The following LDLRAD3 variants were observed in gnomAD, a reference collection of about 807,000 sequenced individuals.
LDLRAD3 encodes low-density lipoprotein receptor class A domain-containing protein 3.
In LDLRAD3, 20 loss-of-function variants were observed where a neutral mutation model predicts 29.4. That is an observed-to-expected ratio of 0.68 (90% CI 0.48 to 0.99). The LOEUF is 0.99. LDLRAD3 is among the 50% of genes least tolerant of loss of function. The pLI is 0.00. For missense variants in LDLRAD3, 420 were observed against 454.3 expected, an observed-to-expected ratio of 0.92 and a Z score of 0.69; for synonymous variants, 157 against 192.7, an observed-to-expected ratio of 0.81 and a Z score of 1.53.
In LDLRAD3 at chr11:36,231,740, T is replaced by G. The variant is rs199926277; in HGVS notation, c.*2343T>G. ...TAAATAGGACACCAAAGCGGCAGGGTTTTTTTGGGGGGGAGGGGGTTTGTT... is the reference window on the plus strand; with the variant it reads ...TAAATAGGACACCAAAGCGGCAGGGGTTTTTTGGGGGGGAGGGGGTTTGTT... On this transcript the variant is annotated 3_prime_UTR_variant, in exon 6 of 6. Coordinates refer to ENST00000315571, the MANE Select transcript of LDLRAD3 (RefSeq NM_174902.4). 9 of 151,524 alleles carry G rather than the reference T, an allele frequency of 5.9e-5. No homozygotes were observed. The highest frequency in any genetic ancestry group is 8.8e-5 in the Non-Finnish European group (6 of 67,900). The allele number at this position is 151,524 out of a possible 1,614,324, so 9.4% of individuals were successfully genotyped here.
chr11:36,191,568 C>CTA (rs1590343829), intron 4 of LDLRAD3, among the ~76,000 whole-genome samples: 4 of 78,888 alleles, frequency 5.1e-5, no homozygotes, highest in East Asian at 7.3e-4. Context: ...CTCTCTCTCT[C>CTA]TCTCTCTCTA....
At chr11:36,111,952 A>G (rs1853612296) in intron 4 of LDLRAD3, among the ~76,000 whole-genome samples, 1 of 152,046 alleles carries the variant, frequency 6.6e-6, no homozygotes, top group Non-Finnish European at 1.5e-5. Context: ...ACACTTACCC[A>G]TCTTCTCCCA....
chr11:35,979,776 G>T (rs1851518388), intron 1 of LDLRAD3, among the ~76,000 whole-genome samples: 1 of 152,182 alleles, frequency 6.6e-6, no homozygotes, highest in South Asian at 2.1e-4. Context: ...GAGAGATGTG[G>T]TGGTTGATGT....
Position 36,145,440 on chromosome 11 carries a change from G to A in LDLRAD3, c.454+46979G>A, listed in dbSNP as rs1439206050. On this transcript the variant is annotated intron_variant, in intron 4 of 5. Transcript: ENST00000315571. ...CATCCGGGAGGTGAGGGGCGCCTCT[G>A]CCCGGCCGCCCCTACTGGGAAGTGA... 7.8e-5 allele frequency among the ~76,000 whole-genome samples: 9 copies of A among 115,014 alleles called. No homozygotes were observed. The East Asian group carries it at 9.8e-4, about 12-fold the overall frequency. The allele number at this position is 115,014 out of a possible 152,430, so 75.5% of individuals were successfully genotyped here.
intron 1 of LDLRAD3, among the ~76,000 whole-genome samples, chr11:35,946,332 G>A (rs1210674399): frequency 6.6e-6 from 1 of 151,728 alleles, no homozygotes; most frequent in Admixed American, 6.6e-5. Context: ...GTCTGTGAAA[G>A]AATCCCAGGG....
intron 1 of LDLRAD3, among the ~76,000 whole-genome samples, chr11:36,025,580 G>T (rs180715372): frequency 6.6e-6 from 1 of 151,724 alleles, no homozygotes; most frequent in African/African-American, 2.4e-5. Context: ...TAGTAGAGAC[G>T]GGGTTTCACC....
chr11:36,204,104 C>T (rs1011906199), intron 4 of LDLRAD3, among the ~76,000 whole-genome samples: 3 of 152,006 alleles, frequency 2.0e-5, no homozygotes, highest in African/African-American at 7.2e-5. Context: ...CAATTTCCTT[C>T]TTCTGTAGTT....
At chr11:36,147,502 C>T (rs75180974) in intron 4 of LDLRAD3, among the ~76,000 whole-genome samples, 15,939 of 152,228 alleles carry the variant, frequency 0.1, 905 homozygotes, top group Non-Finnish European at 0.12. Context: ...AGTTCCTTAA[C>T]TCAATTACAT....
intron 1 of LDLRAD3, among the ~76,000 whole-genome samples, chr11:36,005,577 CA>C (rs1851874061): frequency 6.6e-6 from 1 of 152,212 alleles, no homozygotes; most frequent in African/African-American, 2.4e-5. Context: ...CTGAGCTCTC[CA>C]AACTATTCCA....
At chr11:36,040,038 C>T (rs1268251642) in intron 2 of LDLRAD3, among the ~76,000 whole-genome samples, 5 of 152,110 alleles carry the variant, frequency 3.3e-5, no homozygotes, top group Non-Finnish European at 2.9e-5. Flanking sequence ...AGCTACAAAG[C>T]CCTTTCTCTG....
At chr11:36,078,046 G>C (rs756995790) in intron 2 of LDLRAD3, among the ~76,000 whole-genome samples, 8 of 152,172 alleles carry the variant, frequency 5.3e-5, no homozygotes, top group Non-Finnish European at 1.0e-4. Flanking sequence ...GTATCTTGAT[G>C]AGTGTTCAGC....
intron 4 of LDLRAD3, among the ~76,000 whole-genome samples, chr11:36,153,172 C>G (rs11033467): frequency 0.98 from 149,116 of 151,960 alleles, 73,217 homozygotes; most frequent in East Asian, 1. Flanking sequence ...CCAGCATAGT[C>G]GGGGTGCTTG....
At chr11:36,206,130 A>G (rs905166911) in intron 4 of LDLRAD3, among the ~76,000 whole-genome samples, 1 of 152,242 alleles carries the variant, frequency 6.6e-6, no homozygotes, top group Non-Finnish European at 1.5e-5. Context: ...CGAGAAAATT[A>G]CATCCTTGTT....
chr11:36,100,743 A>G (rs1416720061), intron 4 of LDLRAD3, among the ~76,000 whole-genome samples: 1 of 152,134 alleles, frequency 6.6e-6, no homozygotes, highest in Non-Finnish European at 1.5e-5. Context: ...CGGCCTATAC[A>G]GTTTCTTAAG....
intron 4 of LDLRAD3, among the ~76,000 whole-genome samples, chr11:36,195,961 G>T (rs1451243214): frequency 6.6e-6 from 1 of 151,028 alleles, no homozygotes; most frequent in African/African-American, 2.4e-5. Context: ...AGCATCACCT[G>T]ATTCAAGGAC....
intron 4 of LDLRAD3, among the ~76,000 whole-genome samples, chr11:36,203,877 G>A (rs1855164528): frequency 6.6e-6 from 1 of 152,050 alleles, no homozygotes; most frequent in Admixed American, 6.6e-5. Context: ...CACTTTTTGA[G>A]GTCAGCTGTT....
chr11:36,075,025 A>G (rs911339590), intron 2 of LDLRAD3, among the ~76,000 whole-genome samples: 6 of 152,162 alleles, frequency 3.9e-5, no homozygotes, highest in African/African-American at 9.7e-5. Context: ...CCAACTGTTA[A>G]TGGTGGCTCA....
intron 1 of LDLRAD3, among the ~76,000 whole-genome samples, chr11:36,001,758 C>CGTGTGTGT (rs3220787): frequency 8.1e-5 from 12 of 148,324 alleles, no homozygotes; most frequent in South Asian, 2.1e-4. Flanking sequence ...ATATTGTATA[C>CGTGTGTGT]GTGTGTGTGT....
intron 1 of LDLRAD3, among the ~76,000 whole-genome samples, chr11:36,011,059 C>T (rs113132069): frequency 0.017 from 2,617 of 152,322 alleles, 66 homozygotes; most frequent in East Asian, 0.12. Context: ...CCTGCCTTGG[C>T]CTCCCAAAGT....
Sources: allele counts gnomAD v4.1 joint callset (sites outside exome capture counted in the v4.1 genomes callset), GRCh38; gene constraint gnomAD v4.1.1; transcripts MANE v1.5; gene names NCBI Gene and HGNC (gene_info 2026-07-23, HGNC 2026-07-21).